Variants in ETFBKMT observed in about 807,000 individuals in gnomAD.
ETFBKMT encodes the protein electron transfer flavoprotein subunit beta lysine methyltransferase.
In ETFBKMT, 13 loss-of-function variants were observed where a neutral mutation model predicts 18.3. That is an observed-to-expected ratio of 0.71 (90% CI 0.46 to 1.13). The LOEUF (loss-of-function observed/expected upper bound fraction) is 1.13. Among genes scored for constraint, ETFBKMT ranks in the 50% most tolerant of loss-of-function variants. The probability of loss-of-function intolerance (pLI) is 0.00; values close to 1 mark genes in which losing one functional copy is unlikely to be tolerated. For missense variants in ETFBKMT, 293 were observed against 306.2 expected, an observed-to-expected ratio of 0.96 and a Z score of 0.32; for synonymous variants, 84 against 107.9, an observed-to-expected ratio of 0.78 and a Z score of 1.37.
At chr12:31,649,769 C>CT (rs61406039) in intron 1 of ETFBKMT, among the ~76,000 whole-genome samples, 144 of 142,688 alleles carry the variant, frequency 1.0e-3, no homozygotes, top group Admixed American at 1.1e-3. Flanking sequence ...TTTTCCTTTT[C>CT]TTTTTTTTTT....
intron 1 of ETFBKMT, among the ~76,000 whole-genome samples, chr12:31,661,377 A>T (rs1278376550): frequency 1.3e-5 from 2 of 152,264 alleles, no homozygotes; most frequent in Non-Finnish European, 2.9e-5. Context: ...ATCATTTAAA[A>T]AGATTGGATT....
Position 31,661,931 on chromosome 12 carries a change from A to G in ETFBKMT, c.-23A>G, listed in dbSNP as rs759376311. On this transcript the variant is annotated 5_prime_UTR_variant, in exon 2 of 4. Transcript: ENST00000357721. ...CTATTATCAACAGAACATTGACAGA[A>G]CCTGTGTTTGGGGAAAGGACTGATG... The G allele has an allele frequency of 5.0e-6, 8 of 1,607,296 alleles. No homozygotes were observed. In the Admixed American group the frequency reaches 1.0e-4, roughly 20 times the overall value.
intron 1 of ETFBKMT, among the ~76,000 whole-genome samples, chr12:31,650,432 C>A (rs980500010): frequency 2.6e-4 from 40 of 152,148 alleles, no homozygotes; most frequent in Non-Finnish European, 5.3e-4. Context: ...GGGCAACAAG[C>A]AACCCTTGGG....
At chr12:31,648,550 T>G (rs1950987144) in intron 1 of ETFBKMT, among the ~76,000 whole-genome samples, 2 of 132,110 alleles carry the variant, frequency 1.5e-5, no homozygotes, top group Non-Finnish European at 3.2e-5. Context: ...TTAGTAGAGA[T>G]GGGTTTCTTT....
rs957783122 is a variant in ETFBKMT at position 31,672,932 on chromosome 12, A to G, written c.*4942A>G. 6.5e-6 allele frequency: 1 copy of G among 152,882 alleles called. No individual in the cohort carries two copies. 9.5% of individuals were successfully genotyped at this position (152,882 alleles called of 1,614,324 possible). A position where few individuals can be genotyped will look rare whatever the true frequency, so the allele number is the denominator to read the frequency against. On this transcript the variant is annotated 3_prime_UTR_variant, in exon 4 of 4. Transcript: ENST00000357721. ...TTTTCCATGTCTGTATAATACTACT[A>G]TAAAGCATGATTTTAAATAGATAAC...
chr12:31,662,472 A>T (rs1338159169), intron 2 of ETFBKMT, among the ~76,000 whole-genome samples: 4 of 150,604 alleles, frequency 2.7e-5, no homozygotes, highest in Admixed American at 2.6e-4. Context: ...AACCGGCAAA[A>T]CTCAGTCTTG....
intron 2 of ETFBKMT, among the ~76,000 whole-genome samples, chr12:31,665,491 T>C (rs1761793669): frequency 6.6e-6 from 1 of 151,700 alleles, no homozygotes; most frequent in Admixed American, 6.6e-5. Flanking sequence ...CTTTTCCTTT[T>C]CTTTTCTTTT....
chr12:31,655,359 CG>C (rs1420289259), upstream of ETFBKMT, among the ~76,000 whole-genome samples: 4 of 152,128 alleles, frequency 2.6e-5, no homozygotes, highest in Non-Finnish European at 4.4e-5. Flanking sequence ...TCACAAATCG[CG>C]CCTAAGAAAA....
rs1951222245 is a variant in ETFBKMT, at chr12:31,668,115, A to T, written c.*125A>T. The T allele has an allele frequency of 2.5e-6, 2 of 812,554 alleles. No homozygotes were observed. Among genetic ancestry groups the T allele is most frequent in the Admixed American group, 6.5e-5 (2 of 30,998 alleles). 50.3% of individuals were successfully genotyped at this position (812,554 alleles called of 1,614,324 possible). A position where few individuals can be genotyped will look rare whatever the true frequency, so the allele number is the denominator to read the frequency against. On this transcript the variant is annotated 3_prime_UTR_variant, in exon 4 of 4. Coordinates refer to ENST00000357721, the MANE Select transcript of ETFBKMT (RefSeq NM_001135863.2). The stretch of plus-strand genomic sequence containing the variant: ...TTGTTAAATGGAAAATCTTGTTTTT[A>T]AAATATGAAGGTTTAGAGTTTTGTT...
chr12:31,664,364 T>C (rs1279804645), intron 2 of ETFBKMT, among the ~76,000 whole-genome samples: 1 of 152,146 alleles, frequency 6.6e-6, no homozygotes, highest in Non-Finnish European at 1.5e-5. Flanking sequence ...ACAGTGACTC[T>C]TGGATTGAGT....
chr12:31,661,057 AC>A (rs1465446978), intron 1 of ETFBKMT: 1 of 142,166 alleles, frequency 7.0e-6, no homozygotes, highest in Non-Finnish European at 1.6e-5. Context: ...AAATAGTGTA[AC>A]AACTACTTAT....
At position 31,668,043 on chromosome 12, in the gene ETFBKMT, A is replaced by G. The variant is rs375673238; in HGVS notation, c.*53A>G. The G allele has an allele frequency of 6.9e-7, 1 of 1,442,874 alleles. No individual in the cohort carries two copies. The highest frequency in any genetic ancestry group is 2.3e-5 in the East Asian group (1 of 43,754). 89.4% of individuals were successfully genotyped at this position (1,442,874 alleles called of 1,614,324 possible). On this transcript the variant is annotated 3_prime_UTR_variant, in exon 4 of 4. Coordinates refer to ENST00000357721, the MANE Select transcript of ETFBKMT (RefSeq NM_001135863.2). ...ATAGTAATGTTTGGATCTGACTCTAAAAGTTTTCTCTATAGGAGATACTCT... is the reference window on the plus strand; with the variant it reads ...ATAGTAATGTTTGGATCTGACTCTAGAAGTTTTCTCTATAGGAGATACTCT...
Position 31,672,388 on chromosome 12 carries a change from A to G in ETFBKMT, c.*4398A>G. 6.5e-7 allele frequency: 1 copy of G among 1,538,838 alleles called. No individual in the cohort carries two copies. On this transcript the variant is annotated 3_prime_UTR_variant, in exon 4 of 4. Coordinates refer to ENST00000357721, the MANE Select transcript of ETFBKMT (RefSeq NM_001135863.2). ...CTTCTCGGGAATGATCTATAAAAGAAAACAATGACAATATATTAATTGACA... is the reference window on the plus strand; with the variant it reads ...CTTCTCGGGAATGATCTATAAAAGAGAACAATGACAATATATTAATTGACA...
chr12:31,662,384 G>C (rs1342337636), intron 2 of ETFBKMT, 117 bp downstream of exon 2: 1 of 909,934 alleles, frequency 1.1e-6, no homozygotes, highest in South Asian at 1.7e-5. Context: ...TGTAGTCTCA[G>C]TACTTTGGGA....
chr12:31,655,760 G>A (rs765911582), upstream of ETFBKMT, among the ~76,000 whole-genome samples: 10 of 152,060 alleles, frequency 6.6e-5, no homozygotes, highest in African/African-American at 9.7e-5. Context: ...TGTAAATACC[G>A]AGTCTCCTGA....
upstream of ETFBKMT, among the ~76,000 whole-genome samples, chr12:31,655,137 A>G (rs1592132517): frequency 6.6e-6 from 1 of 152,080 alleles, no homozygotes; most frequent in South Asian, 2.1e-4. Context: ...GAGGAATTAC[A>G]CAGGAGCACT....
chr12:31,659,850 G>A (rs1951096751), intron 1 of ETFBKMT, 61 bp downstream of exon 1: 1 of 152,094 alleles, frequency 6.6e-6, no homozygotes, highest in South Asian at 2.1e-4. Context: ...AGTTGCTGAT[G>A]TTTACAAGCC....
At position 31,672,245 on chromosome 12, in the gene ETFBKMT, G is replaced by T; in HGVS notation, c.*4255G>T. 2 of 1,168,924 alleles carry T rather than the reference G, an allele frequency of 1.7e-6. No individual in the cohort carries two copies. The highest frequency in any genetic ancestry group is 1.3e-5 in the South Asian group (1 of 75,018). 72.4% of individuals were successfully genotyped at this position (1,168,924 alleles called of 1,614,324 possible). A position where few individuals can be genotyped will look rare whatever the true frequency, so the allele number is the denominator to read the frequency against. ...AGTAGAATGCAAATCTCTATAGATG[G>T]TTTCCTGGGAAAGTAGTTTTGATAA... On this transcript the variant is annotated 3_prime_UTR_variant, in exon 4 of 4. Transcript: ENST00000357721.
chr12:31,657,779 A>G, upstream of ETFBKMT, among the ~76,000 whole-genome samples: 1 of 148,708 alleles, frequency 6.7e-6, no homozygotes, highest in Non-Finnish European at 1.5e-5. Context: ...GCGACAGAGC[A>G]AGACTTCATC....
Sources: allele counts gnomAD v4.1 joint callset (sites outside exome capture counted in the v4.1 genomes callset), GRCh38; gene constraint gnomAD v4.1.1; transcripts MANE v1.5; gene names NCBI Gene and HGNC (gene_info 2026-07-23, HGNC 2026-07-21).